Variants in CSMD1 observed in about 807,000 individuals in gnomAD.
CSMD1 encodes CUB and sushi domain-containing protein 1.
CSMD1 carries 213 observed loss-of-function variants against 417.5 expected under a neutral mutation model. The ratio of observed to expected loss-of-function variants is 0.51; its 90% CI spans 0.46 to 0.57. The LOEUF (loss-of-function observed/expected upper bound fraction) is 0.57, where lower values mean the gene tolerates loss of function less well. Ranked by LOEUF, CSMD1 falls within the 20% of genes least tolerant of loss-of-function variation. The pLI, the probability that CSMD1 is intolerant of heterozygous loss-of-function variation, is 0.00. For synonymous variants in CSMD1, 2,862 were observed against 1,736.8 expected (o/e 1.65, Z -16.11); for missense variants, 6,923 against 4,529.7 (o/e 1.53, Z -15.17).
chr8:4,194,862 C>T (rs1419929374), intron 3 of CSMD1, among the ~76,000 whole-genome samples: 3 of 151,992 alleles, frequency 2.0e-5, no homozygotes, highest in African/African-American at 4.8e-5. Context: ...CTGTATTATA[C>T]CCATTTTCAT....
At chr8:3,006,404 C>T (rs1314467334) in intron 52 of CSMD1, among the ~76,000 whole-genome samples, 1 of 150,086 alleles carries the variant, frequency 6.7e-6, no homozygotes, top group Non-Finnish European at 1.5e-5. Context: ...ACTTTCTTCA[C>T]AGAATTGGAA....
chr8:4,113,939 G>A (rs1047301343), intron 3 of CSMD1, among the ~76,000 whole-genome samples: 1 of 152,094 alleles, frequency 6.6e-6, no homozygotes, highest in Admixed American at 6.5e-5. Flanking sequence ...TAAGATTTAA[G>A]AAAAGAAGCC....
chr8:4,455,254 G>C (rs1354373109), intron 2 of CSMD1, among the ~76,000 whole-genome samples: 2 of 151,948 alleles, frequency 1.3e-5, no homozygotes, highest in African/African-American at 2.4e-5. Context: ...CTTTTCCCCA[G>C]GTTAAAAAAA....
chr8:4,535,326 T>C (rs774382498), intron 2 of CSMD1, among the ~76,000 whole-genome samples: 52 of 152,196 alleles, frequency 3.4e-4, no homozygotes, highest in Non-Finnish European at 4.4e-4. Flanking sequence ...TATGTAGTTA[T>C]AGAGAAAGTA....
At chr8:4,872,187 G>A (rs192547073) in intron 1 of CSMD1, among the ~76,000 whole-genome samples, 1 of 152,222 alleles carries the variant, frequency 6.6e-6, no homozygotes, top group Admixed American at 6.5e-5. Context: ...GTGTTAGCCT[G>A]TGTGACTCAA....
At chr8:4,149,808 C>A (rs1796473716) in intron 3 of CSMD1, among the ~76,000 whole-genome samples, 1 of 152,198 alleles carries the variant, frequency 6.6e-6, no homozygotes, top group Non-Finnish European at 1.5e-5. Flanking sequence ...TGAGAATTTC[C>A]TATTAAAATA....
intron 5 of CSMD1, among the ~76,000 whole-genome samples, chr8:3,926,714 C>CTTTTTTTTTTTTTT (rs56721822): frequency 1.9e-5 from 2 of 103,496 alleles, no homozygotes; most frequent in Non-Finnish European, 3.6e-5. Context: ...AAATTGACAC[C>CTTTTTTTTTTTTTT]TTTTTTTTTT....
chr8:4,351,191 T>C (rs1419354236), intron 3 of CSMD1, among the ~76,000 whole-genome samples: 1 of 152,038 alleles, frequency 6.6e-6, no homozygotes, highest in East Asian at 1.9e-4. Flanking sequence ...AAATGACTTC[T>C]AGGAGTTAAT....
In CSMD1 at chr8:3,897,878, T is replaced by C. The variant is rs141516181; in HGVS notation, c.818+100025A>G. Among the ~76,000 whole-genome samples the C allele has an allele frequency of 9.4e-4, 143 of 152,344 alleles. 1 individual carries two copies. The highest frequency in any genetic ancestry group is 3.0e-3 in the African/African-American group (123 of 41,580). The stretch of plus-strand genomic sequence containing the variant: ...GCTGCTTCTTATAGCCTATGGAATC[T>C]TGGCCACAGAACAAGTAAGGTGGCC... On this transcript the variant is annotated intron_variant, in intron 5 of 69. Transcript: ENST00000635120.
At chr8:3,459,788 G>T (rs1260794158) in intron 12 of CSMD1, among the ~76,000 whole-genome samples, 1 of 152,132 alleles carries the variant, frequency 6.6e-6, no homozygotes, top group African/African-American at 2.4e-5. Flanking sequence ...AATCAGAGCA[G>T]CATCAACAAC....
intron 20 of CSMD1, among the ~76,000 whole-genome samples, chr8:3,366,283 C>G (rs1809562123): frequency 6.6e-6 from 1 of 152,144 alleles, no homozygotes; most frequent in African/African-American, 2.4e-5. Flanking sequence ...TGCAGAGGTT[C>G]TCAGTGTGAC....
chr8:4,249,812 A>C (rs772872202), intron 3 of CSMD1, among the ~76,000 whole-genome samples: 13 of 152,120 alleles, frequency 8.5e-5, no homozygotes, highest in Admixed American at 2.6e-4. Flanking sequence ...CAGTTTAGAA[A>C]TTCTTCTAAA....
intron 3 of CSMD1, among the ~76,000 whole-genome samples, chr8:4,226,322 C>G (rs1023322455): frequency 1.6e-4 from 24 of 152,084 alleles, no homozygotes; most frequent in African/African-American, 5.6e-4. Context: ...GAATTAGAGA[C>G]CATCAAATAC....
At chr8:4,440,339 A>T (rs1431469203) in intron 2 of CSMD1, among the ~76,000 whole-genome samples, 1 of 152,204 alleles carries the variant, frequency 6.6e-6, no homozygotes, top group Non-Finnish European at 1.5e-5. Context: ...GGAAGCATGT[A>T]AATAAATCAT....
At chr8:3,438,402 T>C (rs1412883048) in intron 12 of CSMD1, among the ~76,000 whole-genome samples, 2 of 152,136 alleles carry the variant, frequency 1.3e-5, no homozygotes, top group East Asian at 3.9e-4. Context: ...CCGTTGACCC[T>C]TGATAGCTAC....
At chr8:3,731,113 C>G (rs1334843049) in intron 6 of CSMD1, among the ~76,000 whole-genome samples, 2 of 152,144 alleles carry the variant, frequency 1.3e-5, no homozygotes, top group East Asian at 1.9e-4. Context: ...CGAGCACACC[C>G]CAGAACATAA....
intron 8 of CSMD1, among the ~76,000 whole-genome samples, chr8:3,610,482 C>G (rs892358234): frequency 2.0e-5 from 3 of 152,222 alleles, no homozygotes; most frequent in South Asian, 2.1e-4. Context: ...TTACAGTACT[C>G]CAGGCTGAGT....
At chr8:3,999,267 A>C (rs574307359) in intron 4 of CSMD1, among the ~76,000 whole-genome samples, 1 of 152,222 alleles carries the variant, frequency 6.6e-6, no homozygotes, top group East Asian at 1.9e-4. Flanking sequence ...GCCTGTTACC[A>C]AGATGGGGGG....
chr8:3,377,965 G>C (rs924618273), intron 18 of CSMD1, among the ~76,000 whole-genome samples: 1 of 152,158 alleles, frequency 6.6e-6, no homozygotes, highest in Non-Finnish European at 1.5e-5. Flanking sequence ...GGTCAGAAAA[G>C]TCAGTGCCGT....
Sources: gnomAD v4.1 joint callset for allele counts (sites outside exome capture counted in the v4.1 genomes callset) on GRCh38, gnomAD v4.1.1 for gene constraint, MANE v1.5 for transcripts, NCBI Gene and HGNC (gene_info 2026-07-23, HGNC 2026-07-21) for gene names.